Variants in AGBL4 observed in about 807,000 individuals in gnomAD.
AGBL4 encodes AGBL carboxypeptidase 4.
Under a neutral mutation model 66.4 loss-of-function variants are expected in AGBL4, and 58 were observed. The ratio of observed to expected loss-of-function variants is 0.87; its 90% confidence interval spans 0.71 to 1.09. The LOEUF (loss-of-function observed/expected upper bound fraction) is 1.09. Ranked by LOEUF, AGBL4 falls within the 50% of genes least tolerant of loss-of-function variation. The pLI, the probability that AGBL4 is intolerant of heterozygous loss-of-function variation, is 0.00. For missense variants in AGBL4, 579 were observed against 631.0 expected, an observed-to-expected ratio of 0.92 and a Z score of 0.88; for synonymous variants, 234 against 222.9, an observed-to-expected ratio of 1.05 and a Z score of -0.44.
intron 3 of AGBL4, among the ~76,000 whole-genome samples, chr1:49,596,279 C>T (rs906870118): frequency 2.5e-4 from 38 of 152,226 alleles, no homozygotes; most frequent in South Asian, 8.3e-4. Flanking sequence ...GCAATTCTCA[C>T]GATTAAGCCT....
At chr1:49,560,127 A>G (rs764375313) in intron 3 of AGBL4, among the ~76,000 whole-genome samples, 8 of 152,152 alleles carry the variant, frequency 5.3e-5, no homozygotes, top group Non-Finnish European at 1.2e-4. Context: ...TCACCAAATG[A>G]ACTCAATAAA....
At chr1:49,535,142 CAG>C (rs1456099119) in intron 3 of AGBL4, among the ~76,000 whole-genome samples, 3 of 151,948 alleles carry the variant, frequency 2.0e-5, no homozygotes, top group Non-Finnish European at 4.4e-5. Context: ...TTCAGTGAAA[CAG>C]AGTAGAAAAT....
intron 6 of AGBL4, among the ~76,000 whole-genome samples, chr1:48,740,899 A>C (rs966033744): frequency 6.6e-6 from 1 of 152,174 alleles, no homozygotes; most frequent in Non-Finnish European, 1.5e-5. Context: ...CTGACTACCA[A>C]TTAGGTGCAA....
intron 9 of AGBL4, among the ~76,000 whole-genome samples, chr1:48,605,115 C>T (rs186477552): frequency 3.9e-5 from 6 of 152,312 alleles, no homozygotes; most frequent in African/African-American, 1.4e-4. Context: ...TAAGTTTACA[C>T]AGCTAGTAAG....
chr1:49,010,687 G>C (rs1662326162), intron 5 of AGBL4, among the ~76,000 whole-genome samples: 1 of 146,630 alleles, frequency 6.8e-6, no homozygotes, highest in Non-Finnish European at 1.5e-5. Flanking sequence ...CAGAGATATA[G>C]ATCAATGGAA....
In AGBL4 at chr1:49,888,942, T is replaced by G. The variant is rs529949212; in HGVS notation, c.35-37424A>C. 5.3e-5 allele frequency among the ~76,000 whole-genome samples: 8 copies of G among 152,258 alleles called. No homozygotes were observed. The South Asian group carries it at 1.7e-3, about 32-fold the overall frequency. ...ACAAAATAACAAAAAACAAAATAAATAAAGTATATGGCTTCTGCTCTAAAT... is the reference window on the plus strand; with the variant it reads ...ACAAAATAACAAAAAACAAAATAAAGAAAGTATATGGCTTCTGCTCTAAAT... On this transcript the variant is annotated intron_variant, in intron 1 of 13. Coordinates refer to ENST00000371839, the MANE Select transcript of AGBL4 (RefSeq NM_032785.4).
chr1:49,439,069 G>A (rs1468626954), intron 3 of AGBL4, among the ~76,000 whole-genome samples: 3 of 152,046 alleles, frequency 2.0e-5, no homozygotes, highest in African/African-American at 7.2e-5. Flanking sequence ...GTTTTGGAAG[G>A]GACAAACATT....
chr1:48,573,137 A>G (rs755398633), intron 11 of AGBL4, among the ~76,000 whole-genome samples: 7 of 152,166 alleles, frequency 4.6e-5, no homozygotes, highest in Non-Finnish European at 8.8e-5. Context: ...ATAGAGCAAC[A>G]TGCTTCCAAC....
intron 6 of AGBL4, among the ~76,000 whole-genome samples, chr1:48,811,654 C>A (rs1293949554): frequency 1.3e-5 from 2 of 152,074 alleles, no homozygotes; most frequent in African/African-American, 4.8e-5. Flanking sequence ...TTCTAGGATC[C>A]CCGTTTCCTA....
intron 2 of AGBL4, among the ~76,000 whole-genome samples, chr1:49,771,259 T>C (rs533704601): frequency 4.8e-4 from 73 of 152,248 alleles, no homozygotes; most frequent in African/African-American, 1.8e-3. Flanking sequence ...CATTGGCCCA[T>C]TGGTTATTTG....
intron 3 of AGBL4, among the ~76,000 whole-genome samples, chr1:49,250,324 T>C (rs1490414997): frequency 6.6e-6 from 1 of 152,046 alleles, no homozygotes; most frequent in Non-Finnish European, 1.5e-5. Flanking sequence ...CTAAGATGAC[T>C]GGCAGGCTTT....
At chr1:49,574,879 A>G (rs957417683) in intron 3 of AGBL4, among the ~76,000 whole-genome samples, 5 of 152,026 alleles carry the variant, frequency 3.3e-5, no homozygotes, top group African/African-American at 1.2e-4. Context: ...TTATACAAGC[A>G]GAAGACTTCA....
At position 49,473,178 on chromosome 1, in the gene AGBL4, A is replaced by AT. The variant is rs758518564; in HGVS notation, c.282+224134dup. Among the ~76,000 whole-genome samples the AT allele has an allele frequency of 6.6e-5, 10 of 152,150 alleles. 1 individual carries two copies. The highest frequency in any genetic ancestry group is 1.0e-4 in the Non-Finnish European group (7 of 67,968). ...CTTTGGGTATATACCCAGTAATGAGATTCCTAAGTCGAATGACTGTTCTCT... is the reference window on the plus strand; with the variant it reads ...CTTTGGGTATATACCCAGTAATGAGATTTCCTAAGTCGAATGACTGTTCTCT... On this transcript the variant is annotated intron_variant, in intron 3 of 13. Transcript: ENST00000371839.
chr1:49,683,792 T>A (rs1445253437), intron 3 of AGBL4, among the ~76,000 whole-genome samples: 4 of 152,152 alleles, frequency 2.6e-5, no homozygotes, highest in African/African-American at 9.6e-5. Context: ...TCTGAGTAAT[T>A]AAGTAGACAG....
rs1659682146 is a variant in AGBL4 at position 49,988,421 on chromosome 1, A to G, written c.34+35342T>C. 2.6e-5 allele frequency among the ~76,000 whole-genome samples: 4 copies of G among 152,162 alleles called. No homozygotes were observed. In the South Asian group the frequency reaches 6.2e-4, roughly 24 times the overall value. On this transcript the variant is annotated intron_variant, in intron 1 of 13. Transcript: ENST00000371839. The stretch of plus-strand genomic sequence containing the variant: ...CCTGCTCAGTCGTTTTATTTTCCCT[A>G]TATTACCCAGGGCTTTGCAGAGCTG...
At chr1:49,927,627 A>T (rs1263816780) in intron 1 of AGBL4, among the ~76,000 whole-genome samples, 14 of 152,130 alleles carry the variant, frequency 9.2e-5, no homozygotes, top group Admixed American at 9.2e-4. Context: ...TTGGGTGGGG[A>T]AAGAGCCAAA....
intron 2 of AGBL4, among the ~76,000 whole-genome samples, chr1:49,754,693 C>A (rs985090089): frequency 6.6e-6 from 1 of 152,210 alleles, no homozygotes; most frequent in African/African-American, 2.4e-5. Context: ...GAGGAAGCAG[C>A]CTGTCCCTTA....
rs547108255 is a variant in AGBL4, at chr1:49,581,206, A to C, written c.282+116107T>G. On this transcript the variant is annotated intron_variant, in intron 3 of 13. Coordinates refer to ENST00000371839, the MANE Select transcript of AGBL4 (RefSeq NM_032785.4). ...GTTCCAGAATTTCTTTTTTTAAAAA[A>C]GATATATATTTCCTTGGTAAATTTC... is the stretch of plus-strand genomic sequence containing the variant. Among the ~76,000 whole-genome samples the C allele has an allele frequency of 2.6e-5, 4 of 152,196 alleles. No individual in the cohort carries two copies. In the East Asian group the frequency reaches 7.7e-4, roughly 29 times the overall value.
chr1:48,570,821 G>C (rs1278813827), intron 11 of AGBL4, among the ~76,000 whole-genome samples: 1 of 152,168 alleles, frequency 6.6e-6, no homozygotes, highest in Non-Finnish European at 1.5e-5. Context: ...GTCTGCCTTA[G>C]TGCGTATAAG....
Sources: allele counts gnomAD v4.1 joint callset (sites outside exome capture counted in the v4.1 genomes callset), GRCh38; gene constraint gnomAD v4.1.1; transcripts MANE v1.5; gene names NCBI Gene and HGNC (gene_info 2026-07-23, HGNC 2026-07-21).